VTI1A: variants seen among roughly 807,000 people sequenced by gnomAD.
VTI1A encodes vesicle transport through interaction with t-SNAREs homolog 1A.
VTI1A carries 22 observed loss-of-function variants against 34.9 expected under a neutral mutation model. The ratio of observed to expected loss-of-function variants is 0.63; its 90% CI spans 0.45 to 0.90. The LOEUF is 0.90. VTI1A is among the 40% of genes least tolerant of loss of function. The pLI is 0.00. For synonymous variants in VTI1A, 87 were observed against 97.3 expected (o/e 0.89, Z 0.62); for missense variants, 268 against 275.6 (o/e 0.97, Z 0.20).
chr10:112,471,367 A>ATTTTTTTTTTTTTTTTT (rs576549183), intron 3 of VTI1A, among the ~76,000 whole-genome samples: 8 of 94,386 alleles, frequency 8.5e-5, no homozygotes, highest in East Asian at 3.3e-4. Context: ...ATTCTTATTG[A>ATTTTTTTTTTTTTTTTT]TTTTTTTTTT....
intron 7 of VTI1A, chr10:112,672,848 A>G (rs139103436): frequency 1.3e-5 from 2 of 152,360 alleles, no homozygotes; most frequent in Non-Finnish European, 2.9e-5. Context: ...TTACCTCTGA[A>G]GAGTTAATGA....
intron 5 of VTI1A, among the ~76,000 whole-genome samples, chr10:112,623,987 G>T (rs564460747): frequency 6.6e-6 from 1 of 152,172 alleles, no homozygotes; most frequent in African/African-American, 2.4e-5. Context: ...CTTCAGCCTC[G>T]GCTCCCAGTT....
chr10:112,846,869 C>T, the VTI1A span, among the ~76,000 whole-genome samples: 15 of 151,980 alleles, frequency 9.9e-5, no homozygotes, highest in African/African-American at 4.8e-5. Context: ...TATTGAACAG[C>T]GGTGATTCTA....
intron 5 of VTI1A, among the ~76,000 whole-genome samples, chr10:112,664,054 T>G (rs531945195): frequency 1.3e-5 from 2 of 152,326 alleles, no homozygotes; most frequent in African/African-American, 4.8e-5. Flanking sequence ...GAAGATAACC[T>G]TACCTTCTCT....
intron 4 of VTI1A, 92 bp from the exon 5 acceptor site, chr10:112,538,154 T>G: frequency 9.7e-5 from 101 of 1,042,484 alleles, no homozygotes; most frequent in Non-Finnish European, 1.3e-4. Flanking sequence ...CCACCCCATG[T>G]TAGGGCATAC....
At chr10:112,690,574 C>T (rs1848579007) in intron 7 of VTI1A, among the ~76,000 whole-genome samples, 1 of 152,140 alleles carries the variant, frequency 6.6e-6, no homozygotes, top group South Asian at 2.1e-4. Context: ...TAGCATATAG[C>T]AGGGTGTGAC....
chr10:112,727,231 T>G (rs1045983375), intron 7 of VTI1A, among the ~76,000 whole-genome samples: 1 of 152,168 alleles, frequency 6.6e-6, no homozygotes, highest in African/African-American at 2.4e-5. Flanking sequence ...AGCAACAACA[T>G]GAAACCCAGA....
intron 7 of VTI1A, among the ~76,000 whole-genome samples, chr10:112,700,709 A>G (rs1848981070): frequency 6.6e-6 from 1 of 152,244 alleles, no homozygotes; most frequent in African/African-American, 2.4e-5. Context: ...TGGATGAAGT[A>G]TATTCTTCCC....
chr10:112,704,993 A>G (rs1047690266), intron 7 of VTI1A, among the ~76,000 whole-genome samples: 8 of 151,958 alleles, frequency 5.3e-5, no homozygotes, highest in African/African-American at 1.7e-4. Context: ...GGCTCAAACA[A>G]TCCTCCTGCC....
chr10:112,625,935 C>T (rs1440796998), intron 5 of VTI1A, among the ~76,000 whole-genome samples: 3 of 152,120 alleles, frequency 2.0e-5, no homozygotes, highest in African/African-American at 7.2e-5. Flanking sequence ...TAATAAGTCA[C>T]GTAAAGCACT....
intron 3 of VTI1A, among the ~76,000 whole-genome samples, chr10:112,476,069 T>C (rs553613461): frequency 7.0e-4 from 106 of 152,354 alleles, no homozygotes; most frequent in African/African-American, 2.5e-3. Context: ...TCTTTTGATG[T>C]ACAGTTTATT....
chr10:112,744,118 G>A (rs1024644249), intron 7 of VTI1A, among the ~76,000 whole-genome samples: 2 of 152,276 alleles, frequency 1.3e-5, no homozygotes, highest in South Asian at 4.1e-4. Flanking sequence ...TCTACTTACG[G>A]AAATGTCAAT....
intron 5 of VTI1A, among the ~76,000 whole-genome samples, chr10:112,656,932 G>A (rs560967247): frequency 6.6e-6 from 1 of 152,206 alleles, no homozygotes; most frequent in African/African-American, 2.4e-5. Context: ...ATGATAGCGA[G>A]GGAGTTAGTT....
chr10:112,605,720 T>TA (rs1335502453), intron 5 of VTI1A, among the ~76,000 whole-genome samples: 3 of 152,178 alleles, frequency 2.0e-5, no homozygotes, highest in Non-Finnish European at 4.4e-5. Context: ...ATGTCATTCT[T>TA]ACCTCCACAA....
At chr10:112,826,577 C>T in the VTI1A span, 4 of 152,276 alleles carry the variant, frequency 2.6e-5, no homozygotes, top group Admixed American at 2.6e-4. Context: ...GTATCTGCAC[C>T]CATCCATTTG....
Position 112,447,437 on chromosome 10 carries a change from A to G in VTI1A, c.64A>G (p.Lys22Glu). Residue 22 changes from lysine to glutamate, a missense_variant, in exon 1 of 8, where the codon AAG (lysine) becomes GAG (glutamate). Physicochemically the swap from Lys to Glu is moderately conservative, Grantham distance 56 (BLOSUM62 1). Transcript: ENST00000393077. ...FAVLTAEITS[K>E]IARVPRLPPD... is the part of the protein sequence containing the mutation. The stretch of plus-strand genomic sequence containing the variant: ...GGTGCTCACTGCAGAGATCACCAGC[A>G]AGATTGCGAGGGTCCCACGACTCCC... The G allele has an allele frequency of 1.2e-6, 2 of 1,613,718 alleles. No individual in the cohort carries two copies. Among genetic ancestry groups the G allele is most frequent in the Non-Finnish European group, 1.7e-6 (2 of 1,179,992 alleles).
intron 7 of VTI1A, among the ~76,000 whole-genome samples, chr10:112,761,525 T>G (rs1252687033): frequency 6.6e-6 from 1 of 152,178 alleles, no homozygotes; most frequent in East Asian, 1.9e-4. Flanking sequence ...AACATAACAA[T>G]TATGTCTTAC....
chr10:112,504,310 A>T lies in VTI1A; in HGVS notation c.265-22777A>T, dbSNP rs935360702. Among the ~76,000 whole-genome samples, 8 of 152,190 alleles carry T rather than the reference A, an allele frequency of 5.3e-5. No homozygotes were observed. The East Asian group carries it at 1.5e-3, about 29-fold the overall frequency. On this transcript the variant is annotated intron_variant, in intron 3 of 7. Coordinates refer to ENST00000393077, the MANE Select transcript of VTI1A (RefSeq NM_145206.4). ...AACTACTGTTACGAATTGTTTGTGT[A>T]TCTTTACAGATTCTCTTTAAATATA...
chr10:112,491,772 C>T lies in VTI1A; in HGVS notation c.264+27115C>T, dbSNP rs186907690. ...CCATATTTCAAGGGCTCAGTCATCA[C>T]ATGTGGATGGTAACTACTGCACCAC... On this transcript the variant is annotated intron_variant, in intron 3 of 7. Transcript: ENST00000393077. Among the ~76,000 whole-genome samples, 168 of 152,294 alleles carry T rather than the reference C, an allele frequency of 1.1e-3. 1 individual carries two copies. The highest frequency in any genetic ancestry group is 7.5e-3 in the Admixed American group (115 of 15,298).
Sources: gnomAD v4.1 joint callset for allele counts (sites outside exome capture counted in the v4.1 genomes callset) on GRCh38, gnomAD v4.1.1 for gene constraint, MANE v1.5 for transcripts, NCBI Gene and HGNC (gene_info 2026-07-23, HGNC 2026-07-21) for gene names.